The following LURAP1 variants were observed in gnomAD, a reference collection of about 807,000 sequenced individuals.
The protein encoded by LURAP1 is NF-kappa-B activator C1orf190.
In LURAP1, 14 loss-of-function variants were observed where a neutral mutation model predicts 19.0. The ratio of observed to expected loss-of-function variants is 0.74; its 90% confidence interval spans 0.49 to 1.15. LURAP1 has a LOEUF of 1.15. Ranked by LOEUF, LURAP1 falls within the 50% of genes most tolerant of loss-of-function variation. LURAP1 has a pLI of 0.00. For missense variants in LURAP1, 273 were observed against 309.1 expected (o/e 0.88, Z 0.87); for synonymous variants, 129 against 131.8 (o/e 0.98, Z 0.14).
chr1:46,219,447 G>A (rs1248498309), intron 1 of LURAP1, among the ~76,000 whole-genome samples: 1 of 152,212 alleles, frequency 6.6e-6, no homozygotes, highest in South Asian at 2.1e-4. Flanking sequence ...CAGCTACCCT[G>A]TGAGGTAAGT....
intron 1 of LURAP1, among the ~76,000 whole-genome samples, chr1:46,205,406 A>G (rs751278860): frequency 8.5e-5 from 13 of 152,200 alleles, no homozygotes; most frequent in Non-Finnish European, 1.6e-4. Flanking sequence ...AGATCATCTG[A>G]CTGCACTTTG....
At chr1:46,213,351 A>G (rs533530677) in intron 1 of LURAP1, among the ~76,000 whole-genome samples, 3 of 91,180 alleles carry the variant, frequency 3.3e-5, no homozygotes, top group Non-Finnish European at 8.3e-5. Context: ...TGTTTTCCAT[A>G]TTTTAAAAAG....
At chr1:46,205,917 T>TGTTC in intron 1 of LURAP1, among the ~76,000 whole-genome samples, 1 of 152,208 alleles carries the variant, frequency 6.6e-6, no homozygotes, top group East Asian at 1.9e-4. Flanking sequence ...GTCCTTCAAT[T>TGTTC]GTTCCTCTCC....
chr1:46,204,642 AAG>A lies in LURAP1; in HGVS notation c.198+1023_198+1024del, dbSNP rs1398077527. 7.2e-5 allele frequency among the ~76,000 whole-genome samples: 11 copies of A among 152,284 alleles called. No individual in the cohort carries two copies. The East Asian group carries it at 1.5e-3, about 21-fold the overall frequency. On this transcript the variant is annotated intron_variant, in intron 1 of 1. Coordinates refer to ENST00000371980, the MANE Select transcript of LURAP1 (RefSeq NM_001013615.3). ...CCGACGCCTGAGCTGAGAGGCTGGG[AAG>A]AGAGTCTGGTGGGTGGAGCAGTCAG...
intron 1 of LURAP1, among the ~76,000 whole-genome samples, chr1:46,211,404 A>G (rs1008549012): frequency 2.7e-5 from 4 of 150,936 alleles, no homozygotes; most frequent in East Asian, 2.0e-4. Flanking sequence ...AACAATGGCT[A>G]TGGGGCTTAT....
chr1:46,206,833 A>G (rs992662679), intron 1 of LURAP1, among the ~76,000 whole-genome samples: 1 of 152,184 alleles, frequency 6.6e-6, no homozygotes, highest in African/African-American at 2.4e-5. Context: ...AGCACCAGAA[A>G]TGGATTGGGC....
At chr1:46,218,756 G>C (rs1259688057) in intron 1 of LURAP1, among the ~76,000 whole-genome samples, 1 of 152,056 alleles carries the variant, frequency 6.6e-6, no homozygotes, top group East Asian at 1.9e-4. Context: ...CAGACAGGTA[G>C]ACTGGTGTGT....
At chr1:46,211,227 C>T (rs1470710088) in intron 1 of LURAP1, among the ~76,000 whole-genome samples, 1 of 152,154 alleles carries the variant, frequency 6.6e-6, no homozygotes, top group Non-Finnish European at 1.5e-5. Context: ...TGCGGCATTC[C>T]TTCCTCCAGG....
At chr1:46,219,379 C>T (rs1659162927) in intron 1 of LURAP1, among the ~76,000 whole-genome samples, 1 of 152,134 alleles carries the variant, frequency 6.6e-6, no homozygotes, top group Non-Finnish European at 1.5e-5. Flanking sequence ...TTACTGAGAC[C>T]TTCCTCTGTG....
At chr1:46,211,184 G>T (rs1216886174) in intron 1 of LURAP1, among the ~76,000 whole-genome samples, 2 of 152,074 alleles carry the variant, frequency 1.3e-5, no homozygotes, top group Non-Finnish European at 2.9e-5. Flanking sequence ...ACCCAGCAAA[G>T]CCTGTCTGTT....
rs545535868 is a variant in LURAP1, at chr1:46,207,588, G to T, written c.198+3964G>T. Reference sequence around the variant, plus strand: ...GAGTCTCGCTCTGTCGCCCAGGCTGGAGTGCAGTGGTGCGATCTCGGCTCA... The same window carrying T: ...GAGTCTCGCTCTGTCGCCCAGGCTGTAGTGCAGTGGTGCGATCTCGGCTCA... On this transcript the variant is annotated intron_variant, in intron 1 of 1. Coordinates refer to ENST00000371980, the MANE Select transcript of LURAP1 (RefSeq NM_001013615.3). Among the ~76,000 whole-genome samples, 5 of 151,510 alleles carry T rather than the reference G, an allele frequency of 3.3e-5. No homozygotes were observed. In the South Asian group the frequency reaches 1.0e-3, roughly 32 times the overall value.
At chr1:46,216,258 G>A (rs569228785) in intron 1 of LURAP1, among the ~76,000 whole-genome samples, 2 of 152,070 alleles carry the variant, frequency 1.3e-5, no homozygotes, top group East Asian at 3.9e-4. Flanking sequence ...GTGTTAGCCA[G>A]GATGGTCTCT....
chr1:46,207,014 G>A (rs886752318), intron 1 of LURAP1, among the ~76,000 whole-genome samples: 6 of 152,146 alleles, frequency 3.9e-5, no homozygotes, highest in Non-Finnish European at 5.9e-5. Context: ...TTTCAAATTG[G>A]AAGGAGGCAC....
intron 1 of LURAP1, among the ~76,000 whole-genome samples, chr1:46,209,185 C>T (rs1163757703): frequency 2.0e-5 from 3 of 152,036 alleles, no homozygotes; most frequent in Non-Finnish European, 4.4e-5. Flanking sequence ...ACACCATGCC[C>T]AGCTAATTTT....
chr1:46,210,725 C>T (rs1284667423), intron 1 of LURAP1, among the ~76,000 whole-genome samples: 2 of 152,138 alleles, frequency 1.3e-5, no homozygotes, highest in Non-Finnish European at 2.9e-5. Context: ...CTGGGTGCAC[C>T]ACCCTCCATC....
At chr1:46,207,104 G>A (rs1658741604) in intron 1 of LURAP1, among the ~76,000 whole-genome samples, 1 of 151,032 alleles carries the variant, frequency 6.6e-6, no homozygotes, top group African/African-American at 2.4e-5. Context: ...TTTTGACACA[G>A]GGTTTCACTC....
At chr1:46,219,288 T>G (rs1177101100) in intron 1 of LURAP1, among the ~76,000 whole-genome samples, 1 of 144,698 alleles carries the variant, frequency 6.9e-6, no homozygotes, top group Non-Finnish European at 1.5e-5. Flanking sequence ...AGAGCGAAAC[T>G]CCATTTCAAA....
chr1:46,219,661 C>G lies in LURAP1; in HGVS notation c.199-38C>G, dbSNP rs536716626. The G allele has an allele frequency of 1.3e-5, 20 of 1,534,432 alleles. No individual in the cohort carries two copies. The African/African-American group carries it at 1.5e-4, about 12-fold the overall frequency. On this transcript the variant is annotated intron_variant, in intron 1 of 1. Coordinates refer to ENST00000371980, the MANE Select transcript of LURAP1 (RefSeq NM_001013615.3). Reference sequence around the variant, plus strand: ...GTGGAAACGCTGGGGAAACCCATGCCCCAGAACTGGGACTAATTCCTTCTC... The same window carrying G: ...GTGGAAACGCTGGGGAAACCCATGCGCCAGAACTGGGACTAATTCCTTCTC...
chr1:46,208,640 C>T (rs1490224622), intron 1 of LURAP1, among the ~76,000 whole-genome samples: 3 of 151,956 alleles, frequency 2.0e-5, no homozygotes, highest in African/African-American at 7.3e-5. Context: ...GTCAGGAGTT[C>T]GAGACCAGCC....
Sources: gnomAD v4.1 joint callset for allele counts (sites outside exome capture counted in the v4.1 genomes callset) on GRCh38, gnomAD v4.1.1 for gene constraint, MANE v1.5 for transcripts, NCBI Gene and HGNC (gene_info 2026-07-23, HGNC 2026-07-21) for gene names.